RHBDD1: variants seen among roughly 807,000 people sequenced by gnomAD.
The protein encoded by RHBDD1 is rhomboid domain containing 1, also known as rhomboid-related protein 4.
A neutral mutation model predicts 36.3 loss-of-function variants in RHBDD1; 38 were observed. The ratio of observed to expected loss-of-function variants is 1.05; its 90% confidence interval spans 0.81 to 1.37. The LOEUF (loss-of-function observed/expected upper bound fraction) is 1.37. RHBDD1 is among the 40% of genes most tolerant of loss of function. RHBDD1 has a pLI of 0.00. For synonymous variants in RHBDD1, 151 were observed against 136.5 expected (o/e 1.11, Z -0.74); for missense variants, 393 against 377.6 (o/e 1.04, Z -0.34).
At chr2:226,891,390 G>A (rs1946676770) in intron 5 of RHBDD1, among the ~76,000 whole-genome samples, 1 of 152,236 alleles carries the variant, frequency 6.6e-6, no homozygotes, top group Non-Finnish European at 1.5e-5. Context: ...GTCTGCTAGT[G>A]AGGCAGAAAT....
chr2:226,908,620 CAT>C (rs1948256242), intron 6 of RHBDD1, 200 bp from the exon 7 acceptor site: 3 of 560,296 alleles, frequency 5.4e-6, no homozygotes, highest in East Asian at 6.0e-5. Context: ...CACACACACA[CAT>C]TCTTTTCCCT....
At chr2:226,836,380 G>T (rs1940963740) in intron 1 of RHBDD1, among the ~76,000 whole-genome samples, 1 of 152,246 alleles carries the variant, frequency 6.6e-6, no homozygotes, top group East Asian at 1.9e-4. Context: ...ACACTCGGAG[G>T]AAGGGGTTGG....
chr2:226,942,486 G>T (rs6436641), intron 8 of RHBDD1: 136,437 of 312,048 alleles, frequency 0.44, 30,594 homozygotes, highest in South Asian at 0.52. Context: ...TGATCCACCC[G>T]CCTTGGCCTC....
chr2:226,882,206 G>A (rs927109356), intron 5 of RHBDD1, among the ~76,000 whole-genome samples: 7 of 152,038 alleles, frequency 4.6e-5, no homozygotes, highest in African/African-American at 1.7e-4. Context: ...GAGGCGGGTG[G>A]ATCACCTGAG....
At chr2:226,887,550 T>A (rs1946334535) in intron 5 of RHBDD1, among the ~76,000 whole-genome samples, 1 of 152,250 alleles carries the variant, frequency 6.6e-6, no homozygotes, top group African/African-American at 2.4e-5. Flanking sequence ...CATTTCCTCC[T>A]CTTTCAGGCA....
intron 8 of RHBDD1, chr2:226,988,275 C>G: frequency 6.6e-7 from 1 of 1,513,510 alleles, no homozygotes; most frequent in Non-Finnish European, 8.9e-7. Flanking sequence ...GAGGAGGCCA[C>G]TGTAAGTCTC....
At chr2:226,882,152 G>A (rs569437907) in intron 5 of RHBDD1, among the ~76,000 whole-genome samples, 220 of 152,086 alleles carry the variant, frequency 1.4e-3, no homozygotes, top group African/African-American at 5.0e-3. Flanking sequence ...GATATGGGCC[G>A]GGCACAGTGG....
At chr2:226,985,599 A>G (rs933640852) in intron 8 of RHBDD1, among the ~76,000 whole-genome samples, 29 of 152,264 alleles carry the variant, frequency 1.9e-4, no homozygotes, top group Admixed American at 7.8e-4. Context: ...CTGTAGCTCA[A>G]TGGTTCTCAA....
At chr2:226,968,783 A>G (rs1952886747) in intron 8 of RHBDD1, among the ~76,000 whole-genome samples, 1 of 152,204 alleles carries the variant, frequency 6.6e-6, no homozygotes, top group African/African-American at 2.4e-5. Flanking sequence ...CCAAGGCATG[A>G]AAGTATAATC....
chr2:226,935,221 C>T (rs73992276), intron 8 of RHBDD1: 6 of 152,046 alleles, frequency 3.9e-5, no homozygotes, highest in African/African-American at 9.6e-5. Flanking sequence ...ATGTAAAAAC[C>T]GGGAAAGCCA....
chr2:226,974,864 C>T (rs116943526), intron 8 of RHBDD1, among the ~76,000 whole-genome samples: 37 of 152,298 alleles, frequency 2.4e-4, no homozygotes, highest in Middle Eastern at 3.4e-3. Flanking sequence ...CTCGCCAGTG[C>T]GTGGCTCAGG....
intron 8 of RHBDD1, among the ~76,000 whole-genome samples, chr2:226,934,775 A>G (rs553628616): frequency 4.7e-4 from 71 of 152,236 alleles, no homozygotes; most frequent in Middle Eastern, 3.4e-3. Context: ...GTCAAAAGGC[A>G]GATGCCAACT....
chr2:226,803,118 A>T, the RHBDD1 span, among the ~76,000 whole-genome samples: 1 of 152,244 alleles, frequency 6.6e-6, no homozygotes, highest in Admixed American at 6.5e-5. Context: ...GCAATTTAGA[A>T]CAGTGCTTGA....
At chr2:226,985,518 C>G (rs956714861) in intron 8 of RHBDD1, among the ~76,000 whole-genome samples, 4 of 152,248 alleles carry the variant, frequency 2.6e-5, no homozygotes, top group African/African-American at 9.6e-5. Context: ...GCCTCTGGTT[C>G]CACCTGCTGG....
intron 5 of RHBDD1, among the ~76,000 whole-genome samples, chr2:226,870,267 G>T (rs755151363): frequency 1.3e-5 from 2 of 152,142 alleles, no homozygotes; most frequent in Admixed American, 1.3e-4. Flanking sequence ...TGTCATATGC[G>T]AATGAGCTCT....
the RHBDD1 span, among the ~76,000 whole-genome samples, chr2:226,813,131 T>G: frequency 6.6e-6 from 1 of 152,340 alleles, no homozygotes; most frequent in Non-Finnish European, 1.5e-5. Context: ...GAAGAATTTC[T>G]GTGTAAAAAT....
chr2:226,902,585 G>A (rs1947686937), intron 5 of RHBDD1, among the ~76,000 whole-genome samples: 1 of 152,128 alleles, frequency 6.6e-6, no homozygotes, highest in South Asian at 2.1e-4. Flanking sequence ...CTTTTACATT[G>A]GTGAAATTCA....
At chr2:226,924,996 A>AT (rs1949573696) in intron 8 of RHBDD1, among the ~76,000 whole-genome samples, 3 of 152,110 alleles carry the variant, frequency 2.0e-5, no homozygotes, top group Non-Finnish European at 4.4e-5. Context: ...TATGAAGGTG[A>AT]TTTTTTCTGC....
upstream of RHBDD1, among the ~76,000 whole-genome samples, chr2:226,835,174 G>C (rs574223435): frequency 5.9e-5 from 9 of 152,304 alleles, no homozygotes; most frequent in African/African-American, 2.2e-4. Flanking sequence ...ACCTCCCAAA[G>C]TGCGGGGATT....
Sources: allele counts gnomAD v4.1 joint callset (sites outside exome capture counted in the v4.1 genomes callset), GRCh38; gene constraint gnomAD v4.1.1; transcripts MANE v1.5; gene names NCBI Gene and HGNC (gene_info 2026-07-23, HGNC 2026-07-21).